OTUD7B: variants seen among roughly 807,000 people sequenced by gnomAD.
OTUD7B encodes OTU domain-containing protein 7B.
In OTUD7B, 34 loss-of-function variants were observed where a neutral mutation model predicts 82.2. The observed-to-expected ratio is 0.41, with a 90% CI of 0.31 to 0.55. The LOEUF (loss-of-function observed/expected upper bound fraction) is 0.55, where lower values mean the gene tolerates loss of function less well. OTUD7B is among the 20% of genes least tolerant of loss of function. The pLI, the probability that OTUD7B is intolerant of heterozygous loss-of-function variation, is 0.20. For synonymous variants in OTUD7B, 398 were observed against 402.7 expected, an observed-to-expected ratio of 0.99 and a Z score of 0.14; for missense variants, 944 against 1,062.1, an observed-to-expected ratio of 0.89 and a Z score of 1.55.
intron 1 of OTUD7B, among the ~76,000 whole-genome samples, chr1:149,980,905 T>C (rs587765412): frequency 6.7e-6 from 1 of 150,068 alleles, no homozygotes; most frequent in South Asian, 2.1e-4. Flanking sequence ...CCCAGCCACG[T>C]GAGTGGCTGA....
intron 1 of OTUD7B, among the ~76,000 whole-genome samples, chr1:150,000,082 T>C (rs1021073561): frequency 6.6e-6 from 1 of 152,176 alleles, no homozygotes; most frequent in African/African-American, 2.4e-5. Context: ...GATTATATCC[T>C]GCTGGAGAAA....
At chr1:150,002,472 T>C (rs1354071570) in intron 1 of OTUD7B, among the ~76,000 whole-genome samples, 1 of 152,160 alleles carries the variant, frequency 6.6e-6, no homozygotes, top group Admixed American at 6.5e-5. Context: ...TCAGGGAACA[T>C]CTTTCTCAGT....
the OTUD7B span, among the ~76,000 whole-genome samples, chr1:150,027,026 G>T: frequency 6.6e-6 from 1 of 152,150 alleles, no homozygotes; most frequent in Non-Finnish European, 1.5e-5. Flanking sequence ...TTAATCATGT[G>T]ATGTGTTCCT....
intron 1 of OTUD7B, among the ~76,000 whole-genome samples, chr1:150,004,491 C>A (rs868913106): frequency 6.6e-6 from 1 of 151,786 alleles, no homozygotes; most frequent in Non-Finnish European, 1.5e-5. Flanking sequence ...ACCCAGGAGG[C>A]GGAGGTTGCA....
chr1:150,009,486 T>C (rs781981589), intron 1 of OTUD7B, among the ~76,000 whole-genome samples: 3 of 152,182 alleles, frequency 2.0e-5, no homozygotes, highest in Admixed American at 6.5e-5. Flanking sequence ...AAGCGTTACG[T>C]AGTACGTATA....
chr1:150,014,058 A>ATGTG (rs782449466), upstream of OTUD7B, among the ~76,000 whole-genome samples: 627 of 87,486 alleles, frequency 7.2e-3, 8 homozygotes, highest in East Asian at 0.023. Context: ...GTGTATATAT[A>ATGTG]TGTGTGTGTG....
At chr1:150,027,372 C>T in the OTUD7B span, among the ~76,000 whole-genome samples, 5 of 152,108 alleles carry the variant, frequency 3.3e-5, no homozygotes, top group Non-Finnish European at 7.4e-5. Context: ...GATCACCTGA[C>T]GTTAGGAGTT....
the OTUD7B span, among the ~76,000 whole-genome samples, chr1:150,030,094 A>G: frequency 6.6e-6 from 1 of 152,216 alleles, no homozygotes. Context: ...CTGTGGATTG[A>G]TAACAATACA....
At chr1:149,948,356 T>G (rs1553772590) in intron 10 of OTUD7B, among the ~76,000 whole-genome samples, 1 of 140,348 alleles carries the variant, frequency 7.1e-6, no homozygotes. Flanking sequence ...GTGATTTGAT[T>G]ATCCTGATTT....
chr1:149,985,327 G>C (rs781808695), intron 1 of OTUD7B, among the ~76,000 whole-genome samples: 15 of 152,130 alleles, frequency 9.9e-5, no homozygotes, highest in Non-Finnish European at 1.2e-4. Context: ...AGAATCACTT[G>C]AACCTGGGAG....
chr1:149,967,034 T>C (rs1473232351), intron 4 of OTUD7B, among the ~76,000 whole-genome samples: 1 of 152,232 alleles, frequency 6.6e-6, no homozygotes, highest in Non-Finnish European at 1.5e-5. Context: ...ATTTTTTTCA[T>C]GTATTGATTT....
At chr1:150,040,734 G>GTTTTTTT in the OTUD7B span, among the ~76,000 whole-genome samples, 1 of 142,888 alleles carries the variant, frequency 7.0e-6, no homozygotes. Flanking sequence ...TTTTGAGATG[G>GTTTTTTT]AGTCTCACTC....
At chr1:150,055,453 TA>T in the OTUD7B span, among the ~76,000 whole-genome samples, 4 of 152,206 alleles carry the variant, frequency 2.6e-5, no homozygotes, top group African/African-American at 9.6e-5. Flanking sequence ...TGGTGGAGTG[TA>T]AATTAGTTCA....
intron 1 of OTUD7B, among the ~76,000 whole-genome samples, chr1:149,992,648 G>C (rs1485749896): frequency 2.0e-5 from 3 of 151,466 alleles, no homozygotes; most frequent in Non-Finnish European, 4.4e-5. Flanking sequence ...GCTAATTTTT[G>C]TATCATAAAG....
rs982734938 is a variant in OTUD7B at position 149,942,400 on chromosome 1, T to C, written c.*1457A>G. On this transcript the variant is annotated 3_prime_UTR_variant, in exon 12 of 12. Transcript: ENST00000581312. ...CTTAGAAATGGCTCTGGCCAGAGCATAGGCTGTTCAGACTTGTGCTTTGTG... is the reference window on the plus strand; with the variant it reads ...CTTAGAAATGGCTCTGGCCAGAGCACAGGCTGTTCAGACTTGTGCTTTGTG... The C allele has an allele frequency of 1.3e-5, 2 of 152,596 alleles. No individual in the cohort carries two copies. Among genetic ancestry groups the C allele is most frequent in the Admixed American group, 6.5e-5 (1 of 15,268 alleles). 9.5% of individuals were successfully genotyped at this position (152,596 alleles called of 1,614,324 possible).
the OTUD7B span, among the ~76,000 whole-genome samples, chr1:150,022,054 GGTCAA>G: frequency 6.6e-6 from 1 of 151,976 alleles, no homozygotes; most frequent in Admixed American, 6.6e-5. Flanking sequence ...GGAAGTAATG[GGTCAA>G]GTCAAGACTA....
intron 1 of OTUD7B, among the ~76,000 whole-genome samples, chr1:149,986,688 TA>T (rs1468612798): frequency 6.6e-6 from 1 of 152,128 alleles, no homozygotes; most frequent in African/African-American, 2.4e-5. Flanking sequence ...TCAAAAACTT[TA>T]AAAAGTCAGA....
rs1559828802 is a variant in OTUD7B, at chr1:149,951,000, GTA to G, written c.846-781_846-780del. Among the ~76,000 whole-genome samples, 4 of 70,360 alleles carry G rather than the reference GTA, an allele frequency of 5.7e-5. 1 individual carries two copies. Among genetic ancestry groups the G allele is most frequent in the African/African-American group, 1.1e-4 (2 of 17,640 alleles). 46.2% of individuals were successfully genotyped at this position (70,360 alleles called of 152,430 possible). On this transcript the variant is annotated intron_variant, in intron 7 of 11. Coordinates refer to ENST00000581312, the MANE Select transcript of OTUD7B (RefSeq NM_020205.4). ...GTATTTTTTTTTTTTTTTTTTTTTTGTAGATGGAGTCTCACTCTTTCGCCCAG... is the reference window on the plus strand; with the variant it reads ...GTATTTTTTTTTTTTTTTTTTTTTTGGATGGAGTCTCACTCTTTCGCCCAG...
chr1:149,958,321 C>T (rs1571620854), intron 7 of OTUD7B, among the ~76,000 whole-genome samples: 1 of 42,438 alleles, frequency 2.4e-5, no homozygotes, highest in African/African-American at 9.6e-5. Flanking sequence ...TAAAGGACTA[C>T]CTTTTTTTTT....
Sources: gnomAD v4.1 joint callset for allele counts (sites outside exome capture counted in the v4.1 genomes callset) on GRCh38, gnomAD v4.1.1 for gene constraint, MANE v1.5 for transcripts, NCBI Gene and HGNC (gene_info 2026-07-23, HGNC 2026-07-21) for gene names.